The following FSTL4 variants were observed in gnomAD, a reference collection of about 807,000 sequenced individuals.
FSTL4 encodes follistatin like 4.
A neutral mutation model predicts 78.2 loss-of-function variants in FSTL4; 28 were observed. That is an observed-to-expected ratio of 0.36 (90% CI 0.27 to 0.49). The LOEUF is 0.49. Ranked by LOEUF, FSTL4 falls within the 20% of genes least tolerant of loss-of-function variation. The pLI is 0.98. For synonymous variants in FSTL4, 422 were observed against 440.5 expected (o/e 0.96, Z 0.53); for missense variants, 922 against 1,084.9 (o/e 0.85, Z 2.11).
intron 5 of FSTL4, among the ~76,000 whole-genome samples, chr5:133,315,954 T>C (rs1318111559): frequency 6.6e-6 from 1 of 152,152 alleles, no homozygotes; most frequent in Non-Finnish European, 1.5e-5. Context: ...GAGGCAAACC[T>C]CAGGGTGTAA....
the FSTL4 span, among the ~76,000 whole-genome samples, chr5:133,652,687 A>G: frequency 3.3e-5 from 5 of 152,350 alleles, no homozygotes; most frequent in South Asian, 4.1e-4. Flanking sequence ...AAAGTAGTCT[A>G]TCTTCATGAA....
Position 133,312,579 on chromosome 5 carries a change from T to TC in FSTL4, c.727+74dup, listed in dbSNP as rs564144493. ...ACCTGGGAGACAACTGAGGACAGAC[T>TC]CCAGGCACCCAACAGCATTTTGGTG... On this transcript the variant is annotated intron_variant, in intron 6 of 15. Coordinates refer to ENST00000265342, the MANE Select transcript of FSTL4 (RefSeq NM_015082.2). The TC allele has an allele frequency of 3.0e-4, 429 of 1,409,500 alleles. 5 individuals carry two copies. The South Asian group carries it at 4.9e-3, about 16-fold the overall frequency. The allele number at this position is 1,409,500 out of a possible 1,614,324, so 87.3% of individuals were successfully genotyped here.
intron 6 of FSTL4, among the ~76,000 whole-genome samples, chr5:133,273,753 C>T (rs1403641062): frequency 6.6e-6 from 1 of 152,142 alleles, no homozygotes; most frequent in South Asian, 2.1e-4. Flanking sequence ...GGGAAACCTA[C>T]GTTTGCAGGC....
intron 3 of FSTL4, among the ~76,000 whole-genome samples, chr5:133,543,475 C>T (rs765432341): frequency 1.9e-4 from 29 of 152,158 alleles, no homozygotes; most frequent in African/African-American, 1.9e-4. Context: ...TGATCTTACT[C>T]GGTAAATACA....
chr5:133,525,984 T>TG (rs1017637535), intron 3 of FSTL4, among the ~76,000 whole-genome samples: 1 of 152,130 alleles, frequency 6.6e-6, no homozygotes, highest in African/African-American at 2.4e-5. Context: ...GCTAGGGTCA[T>TG]GGGGGAGACG....
intron 4 of FSTL4, among the ~76,000 whole-genome samples, chr5:133,324,392 G>C (rs892073163): frequency 2.0e-5 from 3 of 152,216 alleles, no homozygotes; most frequent in Admixed American, 2.0e-4. Context: ...CCTGCATGGT[G>C]GTGGGGCGGG....
At position 133,199,319 on chromosome 5, in the gene FSTL4, C is replaced by T. The variant is rs1750242639; in HGVS notation, c.2305G>A (p.Gly769Arg). ...AAGTTCTTCAGCATGCCCACCTTCC[C>T]CGTGGACAGCTCCAGGAACAGCAGG... The part of the protein sequence containing the change: ...PDLLFLELST[G>R]KVGMLKNLKE... The change falls in exon 16 of 16, where the codon GGG (glycine) becomes AGG (arginine). Residue 769 changes from glycine (G) to arginine (R), a missense_variant. Coordinates refer to ENST00000265342, the MANE Select transcript of FSTL4 (RefSeq NM_015082.2). This position sits in a 1 kb window ranked among gnomAD's most constrained non-coding sequence, Gnocchi z 4.4. The T allele has an allele frequency of 6.2e-7, 1 of 1,614,016 alleles. No homozygotes were observed. Among genetic ancestry groups the T allele is most frequent in the Admixed American group, 1.7e-5 (1 of 60,008 alleles).
chr5:133,390,136 T>C lies in FSTL4; in HGVS notation c.409+10602A>G, dbSNP rs191400795. Among the ~76,000 whole-genome samples, 1,330 of 152,328 alleles carry C rather than the reference T, an allele frequency of 8.7e-3. 13 individuals carry two copies. The highest frequency in any genetic ancestry group is 0.03 in the African/African-American group (1,239 of 41,562). ...CAAGAAAAGAGACATGGCTGCTAAG[T>C]CCCTGGATGAGCCCTTTTTTCCAGC... On this transcript the variant is annotated intron_variant, in intron 4 of 15. Coordinates refer to ENST00000265342, the MANE Select transcript of FSTL4 (RefSeq NM_015082.2).
Position 133,199,354 on chromosome 5 carries a change from G to A in FSTL4, c.2270C>T (p.Thr757Met), listed in dbSNP as rs3749817. The A allele has an allele frequency of 0.24, 391,095 of 1,613,760 alleles. 53,861 individuals carry two copies. Among genetic ancestry groups the A allele is most frequent in the East Asian group, 0.47 (21,196 of 44,846 alleles). The change falls in exon 16 of 16, where the codon ACG (threonine) becomes ATG (methionine). Residue 757 changes from threonine (T) to methionine (M), a missense_variant. Coordinates refer to ENST00000265342, the MANE Select transcript of FSTL4 (RefSeq NM_015082.2). The surrounding 1 kb of genome is among the most constrained non-coding windows in gnomAD (Gnocchi z 4.4). Reference sequence around the variant, plus strand: ...CTCCAGGAACAGCAGGTCCGGCTCCGTGTGCAGAGCCGCGTAGATGTTGTA... The same window carrying A: ...CTCCAGGAACAGCAGGTCCGGCTCCATGTGCAGAGCCGCGTAGATGTTGTA... Reference protein sequence around the residue: ...NQYNIYAALHTEPDLLFLELS... With the variant: ...NQYNIYAALHMEPDLLFLELS...
chr5:133,797,617 C>T, the FSTL4 span, among the ~76,000 whole-genome samples: 23 of 152,172 alleles, frequency 1.5e-4, no homozygotes, highest in African/African-American at 5.6e-4. Flanking sequence ...TTTCAGATTT[C>T]TCTGGGGTCC....
the FSTL4 span, among the ~76,000 whole-genome samples, chr5:133,655,159 G>C: frequency 1.3e-5 from 2 of 152,180 alleles, no homozygotes; most frequent in Non-Finnish European, 2.9e-5. Flanking sequence ...TCTGGAACCA[G>C]GCTCTAGACC....
intron 4 of FSTL4, among the ~76,000 whole-genome samples, chr5:133,380,651 GA>G (rs1417449407): frequency 6.6e-6 from 1 of 151,648 alleles, no homozygotes; most frequent in East Asian, 1.9e-4. Context: ...AAAGAGAAGG[GA>G]AGATGTTCCA....
intron 3 of FSTL4, among the ~76,000 whole-genome samples, chr5:133,422,083 G>A (rs957142767): frequency 3.3e-5 from 5 of 152,064 alleles, no homozygotes; most frequent in Admixed American, 1.3e-4. Context: ...CAAGTCCCTC[G>A]GGTGGGAGTG....
the FSTL4 span, among the ~76,000 whole-genome samples, chr5:133,689,987 G>A: frequency 3.3e-5 from 5 of 152,130 alleles, no homozygotes; most frequent in East Asian, 1.9e-4. Context: ...CTCGAACCCC[G>A]GAGGCAGAGT....
At chr5:133,303,149 C>CTA (rs1405741277) in intron 6 of FSTL4, among the ~76,000 whole-genome samples, 1 of 152,236 alleles carries the variant, frequency 6.6e-6, no homozygotes, top group East Asian at 1.9e-4. Flanking sequence ...TGGCCTCTGA[C>CTA]TATATTTCAA....
rs527471085 is a variant in FSTL4 at position 133,513,379 on chromosome 5, A to G, written c.160+53807T>C. The stretch of plus-strand genomic sequence containing the variant: ...TTGGTCACAGAGAAGAATGGTTACC[A>G]CTAGGACAAGCAGGAATACATGAAA... On this transcript the variant is annotated intron_variant, in intron 3 of 15. Transcript: ENST00000265342. 3.4e-3 allele frequency among the ~76,000 whole-genome samples: 513 copies of G among 152,332 alleles called. 3 individuals carry two copies. Among genetic ancestry groups the G allele is most frequent in the African/African-American group, 0.012 (498 of 41,570 alleles).
intron 3 of FSTL4, among the ~76,000 whole-genome samples, chr5:133,460,843 G>C (rs1757577765): frequency 6.6e-6 from 1 of 152,210 alleles, no homozygotes; most frequent in South Asian, 2.1e-4. Context: ...ATGCTCTGAG[G>C]CTAACTTCTC....
At chr5:133,700,841 A>G in the FSTL4 span, among the ~76,000 whole-genome samples, 1 of 152,230 alleles carries the variant, frequency 6.6e-6, no homozygotes, top group Non-Finnish European at 1.5e-5. Context: ...CCAGGTATAC[A>G]TTTAGAAAGA....
chr5:133,576,910 CTT>C (rs1425525613), intron 2 of FSTL4, among the ~76,000 whole-genome samples: 1 of 152,154 alleles, frequency 6.6e-6, no homozygotes, highest in African/African-American at 2.4e-5. Context: ...ATTTTAAAAA[CTT>C]GACTCTAAGC....
Sources: allele counts gnomAD v4.1 joint callset (sites outside exome capture counted in the v4.1 genomes callset), GRCh38; gene constraint gnomAD v4.1.1; non-coding constraint Gnocchi (gnomAD v3.1); transcripts MANE v1.5; gene names NCBI Gene and HGNC (gene_info 2026-07-23, HGNC 2026-07-21).